GPSM1: variants seen among roughly 807,000 people sequenced by gnomAD.
The protein encoded by GPSM1 is G protein signaling modulator 1.
GPSM1 carries 48 observed loss-of-function variants against 70.5 expected under a neutral mutation model. The ratio of observed to expected loss-of-function variants is 0.68; its 90% CI spans 0.54 to 0.87. GPSM1 has a LOEUF of 0.87. GPSM1 is among the 40% of genes least tolerant of loss of function. GPSM1 has a pLI of 0.00. For missense variants in GPSM1, 981 were observed against 972.6 expected (o/e 1.01, Z -0.11); for synonymous variants, 416 against 430.1 (o/e 0.97, Z 0.41).
chr9:136,337,723 T>C lies in GPSM1; in HGVS notation c.703-123T>C, dbSNP rs183658495. ...CATCTGCACTTGGTCCTGCAGCTGCTAGCTGCTCACCCGGACACACAGATC... is the reference window on the plus strand; with the variant it reads ...CATCTGCACTTGGTCCTGCAGCTGCCAGCTGCTCACCCGGACACACAGATC... On this transcript the variant is annotated intron_variant, in intron 5 of 13. Transcript: ENST00000440944. 487 of 970,168 alleles carry C rather than the reference T, an allele frequency of 5.0e-4. 7 individuals carry two copies. In the East Asian group the frequency reaches 9.4e-3, roughly 19 times the overall value. The allele number at this position is 970,168 out of a possible 1,614,324, so 60.1% of individuals were successfully genotyped here.
At chr9:136,331,374 C>A (rs929103375) in intron 1 of GPSM1, among the ~76,000 whole-genome samples, 2 of 151,318 alleles carry the variant, frequency 1.3e-5, no homozygotes, top group Admixed American at 6.6e-5. Flanking sequence ...GCCCCCCCCC[C>A]CCGCTGCCCC....
At chr9:136,350,402 G>A (rs1295490448) in intron 11 of GPSM1, among the ~76,000 whole-genome samples, 2 of 152,190 alleles carry the variant, frequency 1.3e-5, no homozygotes, top group African/African-American at 4.8e-5. Context: ...GAGCAGAGGG[G>A]CCTGAGGGGC....
At chr9:136,329,274 A>C (rs1554768249) in intron 1 of GPSM1, among the ~76,000 whole-genome samples, 1 of 152,078 alleles carries the variant, frequency 6.6e-6, no homozygotes, top group African/African-American at 2.4e-5. Context: ...CAAGCCCTCC[A>C]GCAGGGCCTG....
At chr9:136,349,493 G>A in intron 10 of GPSM1, 94 bp from the exon 11 acceptor site, 3 of 1,154,644 alleles carry the variant, frequency 2.6e-6, no homozygotes, top group Non-Finnish European at 3.7e-6. Flanking sequence ...GTGCATCCAT[G>A]AAATGGAGGC....
At chr9:136,328,530 TCTGGACATCC>T (rs1202922769) in intron 1 of GPSM1, among the ~76,000 whole-genome samples, 1 of 152,110 alleles carries the variant, frequency 6.6e-6, no homozygotes, top group Non-Finnish European at 1.5e-5. Context: ...ACTATTGTCC[TCTGGACATCC>T]CTAAAACCTG....
intron 1 of GPSM1, 103 bp downstream of exon 1, chr9:136,327,866 G>A (rs966672286): frequency 2.8e-6 from 1 of 350,892 alleles, no homozygotes; most frequent in Non-Finnish European, 4.5e-6. Context: ...AGCTCTCGCG[G>A]GCGCGCAGCG....
chr9:136,352,313 G>A lies in GPSM1; in HGVS notation c.1455+2550G>A, dbSNP rs371034039. On this transcript the variant is annotated intron_variant, in intron 11 of 13. Transcript: ENST00000440944. ...CTGCGCCGTTGCTGTTGGTGACACCGATGCTGCGCCGTTGCTGTTGGTGAC... is the reference window on the plus strand; with the variant it reads ...CTGCGCCGTTGCTGTTGGTGACACCAATGCTGCGCCGTTGCTGTTGGTGAC... 2.4e-3 allele frequency among the ~76,000 whole-genome samples: 55 copies of A among 22,812 alleles called. 5 individuals are homozygous for A. The highest frequency in any genetic ancestry group is 5.5e-3 in the African/African-American group (30 of 5,446). The allele number at this position is 22,812 out of a possible 152,430, so 15.0% of individuals were successfully genotyped here. A position where few individuals can be genotyped will look rare whatever the true frequency, so the allele number is the denominator to read the frequency against.
rs1450065268 is a variant in GPSM1 at position 136,358,356 on chromosome 9, C to A, written c.*136C>A. On this transcript the variant is annotated 3_prime_UTR_variant, in exon 14 of 14. Coordinates refer to ENST00000440944, the MANE Select transcript of GPSM1 (RefSeq NM_001145638.3). ...GCCCCACGGCCTCCCCGACCCAGGG[C>A]GACAGGCTCAGGCCAAGCTGCCCGT... is the stretch of plus-strand genomic sequence containing the variant. 7 of 840,492 alleles carry A rather than the reference C, an allele frequency of 8.3e-6. No individual in the cohort carries two copies. The Middle Eastern group carries it at 1.4e-3, about 166-fold the overall frequency. The allele number at this position is 840,492 out of a possible 1,614,324, so 52.1% of individuals were successfully genotyped here. A position where few individuals can be genotyped will look rare whatever the true frequency, so the allele number is the denominator to read the frequency against.
At chr9:136,333,484 C>T (rs1832151565) in intron 1 of GPSM1, among the ~76,000 whole-genome samples, 2 of 152,022 alleles carry the variant, frequency 1.3e-5, no homozygotes, top group South Asian at 4.2e-4. Context: ...GTGGGGGTCC[C>T]TCGGTGAGCA....
rs782011452 is a variant in GPSM1 at position 136,355,727 on chromosome 9, T to G, written c.1493T>G (p.Phe498Cys). The change falls in exon 12 of 14, where the codon TTC (phenylalanine) becomes TGC (cysteine). Residue 498 changes from phenylalanine (F) to cysteine (C), a missense_variant. Phe to Cys is a radical substitution (Grantham distance 205, BLOSUM62 -2). Coordinates refer to ENST00000440944, the MANE Select transcript of GPSM1 (RefSeq NM_001145638.3). ...PRAPSSDEECFFDLLTKFQSS... is the reference protein window; with the variant it reads ...PRAPSSDEECCFDLLTKFQSS... ...GCCCCGTCTTCGGACGAGGAGTGCT[T>G]CTTTGACCTGTTGACCAAGTTCCAG... 1.2e-5 allele frequency: 20 copies of G among 1,612,244 alleles called. No individual in the cohort carries two copies. Among genetic ancestry groups the G allele is most frequent in the Admixed American group, 5.0e-5 (3 of 59,972 alleles).
At chr9:136,327,980 G>C (rs1245962704) in intron 1 of GPSM1, among the ~76,000 whole-genome samples, 1 of 151,218 alleles carries the variant, frequency 6.6e-6, no homozygotes, top group Non-Finnish European at 1.5e-5. Flanking sequence ...GGAAGGGGGT[G>C]GGGGGCCGGG....
chr9:136,352,084 A>ACTGCGCCGTTGCTGTTGGTGACACCAATG (rs71499175), intron 11 of GPSM1, among the ~76,000 whole-genome samples: 8 of 142,548 alleles, frequency 5.6e-5, no homozygotes, highest in Admixed American at 2.0e-4. Context: ...TGACACCAAT[A>ACTGCGCCGTTGCTGTTGGTGACACCAATG]CTGCGCCGTT....
intron 9 of GPSM1, among the ~76,000 whole-genome samples, chr9:136,345,350 G>A (rs1254102849): frequency 1.3e-5 from 2 of 152,346 alleles, no homozygotes; most frequent in East Asian, 1.9e-4. Context: ...CAAGCCAGTG[G>A]GCCGGGCCTG....
intron 1 of GPSM1, among the ~76,000 whole-genome samples, chr9:136,332,975 C>T (rs144426054): frequency 0.016 from 2,397 of 152,158 alleles, 57 homozygotes; most frequent in African/African-American, 0.055. Context: ...CACCACTGCA[C>T]TCCAGCCTGG....
At chr9:136,338,948 C>T (rs542466861) in intron 7 of GPSM1, among the ~76,000 whole-genome samples, 2 of 152,210 alleles carry the variant, frequency 1.3e-5, no homozygotes, top group Admixed American at 6.5e-5. Context: ...ACCCTGTTGC[C>T]CCCACCACCC....
chr9:136,340,337 G>T lies in GPSM1; in HGVS notation c.1083+522G>T, dbSNP rs530705171. ...GCATGGGAAGGTCAGCAGAGCCCTC[G>T]TCTGAAGAGCTTCACTGGCAGCCAG... On this transcript the variant is annotated intron_variant, in intron 8 of 13. Coordinates refer to ENST00000440944, the MANE Select transcript of GPSM1 (RefSeq NM_001145638.3). This position sits in a 1 kb window ranked among gnomAD's most constrained non-coding sequence, Gnocchi z 7.3. 6.6e-6 allele frequency among the ~76,000 whole-genome samples: 1 copy of T among 152,054 alleles called. No individual in the cohort carries two copies. Among genetic ancestry groups the T allele is most frequent in the African/African-American group, 2.4e-5 (1 of 41,382 alleles).
chr9:136,329,491 C>T (rs1832053336), intron 1 of GPSM1, among the ~76,000 whole-genome samples: 2 of 152,184 alleles, frequency 1.3e-5, no homozygotes, highest in South Asian at 2.1e-4. Flanking sequence ...TCCTGAAACC[C>T]GAGTGCTGGG....
At chr9:136,330,155 G>T (rs4074530) in intron 1 of GPSM1, among the ~76,000 whole-genome samples, 1 of 152,128 alleles carries the variant, frequency 6.6e-6, no homozygotes, top group Admixed American at 6.5e-5. Context: ...AACCCTGGGT[G>T]GTCGTCTCCT....
chr9:136,338,704 C>G lies in GPSM1; in HGVS notation c.968C>G (p.Ala323Gly). Residue 323 changes from alanine to glycine, a missense_variant, in exon 7 of 14, where the codon GCC becomes GGC. Transcript: ENST00000440944. ...LRHLLIAQEL[A>G]DRVGEGRACW... ...CACCTGCTCATTGCCCAGGAGCTGG[C>G]CGACAGGTGCGTGGGCGCGGACGCG... is the stretch of plus-strand genomic sequence containing the variant. The G allele has an allele frequency of 6.4e-7, 1 of 1,554,338 alleles. No homozygotes were observed. Among genetic ancestry groups the G allele is most frequent in the South Asian group, 1.2e-5 (1 of 84,662 alleles).
Sources: allele counts gnomAD v4.1 joint callset (sites outside exome capture counted in the v4.1 genomes callset), GRCh38; gene constraint gnomAD v4.1.1; non-coding constraint Gnocchi (gnomAD v3.1); transcripts MANE v1.5; gene names NCBI Gene and HGNC (gene_info 2026-07-23, HGNC 2026-07-21).